RHOF: variants seen among roughly 807,000 people sequenced by gnomAD.
RHOF encodes ras homolog family member F, filopodia associated.
A neutral mutation model predicts 22.2 loss-of-function variants in RHOF; 21 were observed. The ratio of observed to expected loss-of-function variants is 0.95; its 90% CI spans 0.67 to 1.36. RHOF has a LOEUF of 1.36. Ranked by LOEUF, RHOF falls within the 40% of genes most tolerant of loss-of-function variation. RHOF has a pLI of 0.00. For missense variants in RHOF, 285 were observed against 293.7 expected (o/e 0.97, Z 0.22); for synonymous variants, 135 against 131.2 (o/e 1.03, Z -0.20).
chr12:121,790,033 C>A (rs901287428), intron 2 of RHOF, among the ~76,000 whole-genome samples: 1 of 152,198 alleles, frequency 6.6e-6, no homozygotes, highest in African/African-American at 2.4e-5. Context: ...CCGGTGAGGC[C>A]GACAGAGCAG....
rs1187608244 is a variant in RHOF at position 121,779,597 on chromosome 12, C to T, written c.537G>A (p.Glu179=). 6.2e-7 allele frequency: 1 copy of T among 1,614,242 alleles called. No individual in the cohort carries two copies. The highest frequency in any genetic ancestry group is 8.5e-7 in the Non-Finnish European group (1 of 1,180,036). ...CCTCCCGGAAGACGTCCTCCACATT[C>T]TCCCGAAACTTGGCGGAACATTCCA... ...LYLECSAKFR[E]NVEDVFREAA... Residue 179 remains glutamate, a synonymous_variant, in exon 5 of 5, where the codon GAG becomes GAA. Coordinates refer to ENST00000267205, the MANE Select transcript of RHOF (RefSeq NM_019034.3).
intron 2 of RHOF, among the ~76,000 whole-genome samples, chr12:121,783,926 C>G (rs1874542275): frequency 6.6e-6 from 1 of 152,062 alleles, no homozygotes; most frequent in African/African-American, 2.4e-5. Context: ...TGCATAAAAT[C>G]CAAACATCTC....
chr12:121,781,215 G>T, intron 2 of RHOF, 23 bp from the exon 3 acceptor site: 1 of 1,602,832 alleles, frequency 6.2e-7, no homozygotes, highest in Non-Finnish European at 8.5e-7. Flanking sequence ...AGCAGCGGGG[G>T]TCAGGGGACG....
rs1480428093 is a variant in RHOF at position 121,786,963 on chromosome 12, A to G, written c.227-5771T>C. 2.0e-5 allele frequency among the ~76,000 whole-genome samples: 3 copies of G among 152,242 alleles called. No individual in the cohort carries two copies. In the East Asian group the frequency reaches 5.8e-4, roughly 29 times the overall value. On this transcript the variant is annotated intron_variant, in intron 2 of 4. Coordinates refer to ENST00000267205, the MANE Select transcript of RHOF (RefSeq NM_019034.3). ...TGAGGCTGGAGAATTGCTTGAACCC[A>G]GGAGGCTGAGGTTGCAGTGAGCTGA...
chr12:121,785,461 C>A (rs1372710653), intron 2 of RHOF, among the ~76,000 whole-genome samples: 2 of 133,016 alleles, frequency 1.5e-5, no homozygotes, highest in Non-Finnish European at 3.1e-5. Flanking sequence ...GGGTCTTGCT[C>A]TGTTGCCCAG....
At chr12:121,790,654 C>T (rs1874741623) in intron 2 of RHOF, among the ~76,000 whole-genome samples, 1 of 152,206 alleles carries the variant, frequency 6.6e-6, no homozygotes, top group Non-Finnish European at 1.5e-5. Flanking sequence ...AGCCAGATCT[C>T]TTCTCCCTGG....
At chr12:121,786,993 G>A (rs749535572) in intron 2 of RHOF, among the ~76,000 whole-genome samples, 1 of 152,108 alleles carries the variant, frequency 6.6e-6, no homozygotes, top group African/African-American at 2.4e-5. Flanking sequence ...AGCTGAGATC[G>A]TGCCATTTCA....
chr12:121,779,103 C>T lies in RHOF; in HGVS notation c.*395G>A. 1 of 193,138 alleles carries T rather than the reference C, an allele frequency of 5.2e-6. No individual in the cohort carries two copies. 12.0% of individuals were successfully genotyped at this position (193,138 alleles called of 1,614,324 possible). ...TCTCGGGAGCCCAGGGAGGCAGGGACACAGGAGTGGCAGGCTTGGGGCGCC... is the reference window on the plus strand; with the variant it reads ...TCTCGGGAGCCCAGGGAGGCAGGGATACAGGAGTGGCAGGCTTGGGGCGCC... On this transcript the variant is annotated 3_prime_UTR_variant, in exon 5 of 5. Coordinates refer to ENST00000267205, the MANE Select transcript of RHOF (RefSeq NM_019034.3).
chr12:121,793,058 C>T (rs1874803609), intron 2 of RHOF, 94 bp downstream of exon 2: 1 of 1,092,616 alleles, frequency 9.2e-7, no homozygotes, highest in East Asian at 2.6e-5. Flanking sequence ...CCTGCCAAGG[C>T]TGCAGGGCGG....
At chr12:121,781,413 G>A (rs1874453286) in intron 2 of RHOF, 3 of 519,884 alleles carry the variant, frequency 5.8e-6, no homozygotes, top group South Asian at 4.1e-5. Flanking sequence ...CAAGGCTACA[G>A]TGAGCCGTGA....
rs780366965 is a variant in RHOF, at chr12:121,778,523, A to G, written c.*975T>C. ...CCCAAAGGAGGCTCAGGGATTAGGT[A>G]TCTGGCTGTTGGTGACACAGGTGGT... On this transcript the variant is annotated 3_prime_UTR_variant, in exon 5 of 5. Transcript: ENST00000267205. The G allele has an allele frequency of 2.6e-5, 4 of 151,804 alleles. No homozygotes were observed. Among genetic ancestry groups the G allele is most frequent in the Non-Finnish European group, 1.5e-5 (1 of 68,068 alleles). The allele number at this position is 151,804 out of a possible 1,614,324, so 9.4% of individuals were successfully genotyped here.
At chr12:121,787,037 C>T (rs1874627568) in intron 2 of RHOF, among the ~76,000 whole-genome samples, 1 of 151,930 alleles carries the variant, frequency 6.6e-6, no homozygotes, top group Non-Finnish European at 1.5e-5. Context: ...GACTCTGTCT[C>T]AAAACAAAAA....
intron 2 of RHOF, among the ~76,000 whole-genome samples, chr12:121,792,073 A>G (rs1168673): frequency 0.73 from 111,297 of 152,134 alleles, 42,383 homozygotes; most frequent in East Asian, 0.95. Flanking sequence ...CTCAGAGGCC[A>G]CGATAGGACC....
At chr12:121,782,413 C>G (rs1874493855) in intron 2 of RHOF, 1 of 152,192 alleles carries the variant, frequency 6.6e-6, no homozygotes, top group African/African-American at 2.4e-5. Context: ...TTAAAATCCC[C>G]ACAGTGAGAA....
chr12:121,785,195 A>G (rs553546222), intron 2 of RHOF, among the ~76,000 whole-genome samples: 142 of 152,256 alleles, frequency 9.3e-4, no homozygotes, highest in African/African-American at 3.3e-3. Flanking sequence ...GCAGGGATAC[A>G]CAGAGGAAGG....
chr12:121,786,941 G>C, intron 2 of RHOF, among the ~76,000 whole-genome samples: 1 of 152,146 alleles, frequency 6.6e-6, no homozygotes, highest in Admixed American at 6.6e-5. Context: ...GGGAGGCTGA[G>C]GCTGGAGAAT....
rs60048337 is a variant in RHOF, at chr12:121,787,909, A to AG, written c.226+5242dup. Among the ~76,000 whole-genome samples, 191 of 48,794 alleles carry AG rather than the reference A, an allele frequency of 3.9e-3. 3 individuals are homozygous for AG. Among genetic ancestry groups the AG allele is most frequent in the African/African-American group, 0.013 (140 of 10,414 alleles). 32.0% of individuals were successfully genotyped at this position (48,794 alleles called of 152,430 possible). A position where few individuals can be genotyped will look rare whatever the true frequency, so the allele number is the denominator to read the frequency against. Reference sequence around the variant, plus strand: ...CTGCCTCAAAAAAAAAAAAAAAAAAAGGGGGGGGGGGCGGGGTTTGCTCTG... The same window carrying AG: ...CTGCCTCAAAAAAAAAAAAAAAAAAAGGGGGGGGGGGGCGGGGTTTGCTCTG... On this transcript the variant is annotated intron_variant, in intron 2 of 4. Coordinates refer to ENST00000267205, the MANE Select transcript of RHOF (RefSeq NM_019034.3).
intron 2 of RHOF, among the ~76,000 whole-genome samples, chr12:121,789,986 T>G (rs897381064): frequency 1.3e-5 from 2 of 152,178 alleles, no homozygotes; most frequent in African/African-American, 4.8e-5. Context: ...AACTTCAGAC[T>G]TCACCGCAGC....
intron 2 of RHOF, among the ~76,000 whole-genome samples, chr12:121,784,284 T>C (rs58647990): frequency 0.021 from 2,210 of 105,812 alleles, 25 homozygotes; most frequent in African/African-American, 0.064. Context: ...TGGTGGCTCA[T>C]GCTTGTAATC....
Sources: gnomAD v4.1 joint callset for allele counts (sites outside exome capture counted in the v4.1 genomes callset) on GRCh38, gnomAD v4.1.1 for gene constraint, MANE v1.5 for transcripts, NCBI Gene and HGNC (gene_info 2026-07-23, HGNC 2026-07-21) for gene names.